Variants in RANBP2 observed in about 807,000 individuals in gnomAD.
RANBP2 encodes E3 SUMO-protein ligase RanBP2.
In RANBP2, 57 loss-of-function variants were observed where a neutral mutation model predicts 303.6. The observed-to-expected ratio is 0.19, with a 90% CI of 0.15 to 0.23. The LOEUF (loss-of-function observed/expected upper bound fraction) is 0.23, where lower values mean the gene tolerates loss of function less well. Among genes scored for constraint, RANBP2 ranks in the 10% least tolerant of loss-of-function variants. The pLI is 1.00. For synonymous variants in RANBP2, 1,167 were observed against 1,301.5 expected (o/e 0.90, Z 2.23); for missense variants, 3,138 against 3,780.8 (o/e 0.83, Z 4.46).
chr2:108,818,820 C>CT, the RANBP2 span, among the ~76,000 whole-genome samples: 930 of 144,566 alleles, frequency 6.4e-3, 5 homozygotes, highest in East Asian at 0.025. Flanking sequence ...AAACTTCTGA[C>CT]TTTTTTTTTT....
the RANBP2 span, among the ~76,000 whole-genome samples, chr2:108,914,887 G>A: frequency 9.2e-5 from 14 of 152,118 alleles, no homozygotes; most frequent in Admixed American, 3.3e-4. Context: ...CAAGGCTTCC[G>A]GGAGAAGCAA....
At chr2:108,974,586 T>C in the RANBP2 span, among the ~76,000 whole-genome samples, 7 of 151,660 alleles carry the variant, frequency 4.6e-5, no homozygotes, top group African/African-American at 1.5e-4. Context: ...AAAAATTAGC[T>C]GGGCATGGTG....
At chr2:108,826,511 A>G in the RANBP2 span, among the ~76,000 whole-genome samples, 20 of 152,180 alleles carry the variant, frequency 1.3e-4, no homozygotes, top group Middle Eastern at 3.4e-3. Context: ...TGAAAAATCT[A>G]TTCCTTCCCT....
the RANBP2 span, among the ~76,000 whole-genome samples, chr2:109,182,457 G>T: frequency 6.6e-6 from 1 of 152,170 alleles, no homozygotes; most frequent in African/African-American, 2.4e-5. Flanking sequence ...AACTTTGGGG[G>T]ACACACTCAA....
the RANBP2 span, among the ~76,000 whole-genome samples, chr2:109,497,358 G>A: frequency 2.0e-5 from 3 of 152,202 alleles, no homozygotes; most frequent in African/African-American, 7.2e-5. Context: ...TGCAGACTCT[G>A]TTGTCAGGGA....
the RANBP2 span, among the ~76,000 whole-genome samples, chr2:108,984,311 G>C: frequency 6.6e-6 from 1 of 152,178 alleles, no homozygotes; most frequent in African/African-American, 2.4e-5. Flanking sequence ...GGCATGGGAT[G>C]GGGTGGTGTG....
chr2:109,250,234 C>G, the RANBP2 span, among the ~76,000 whole-genome samples: 6 of 152,118 alleles, frequency 3.9e-5, no homozygotes, highest in Non-Finnish European at 7.4e-5. Flanking sequence ...GGAAAGGCAA[C>G]TGAACCAAGT....
At chr2:109,212,121 A>G in the RANBP2 span, among the ~76,000 whole-genome samples, 13 of 152,178 alleles carry the variant, frequency 8.5e-5, no homozygotes, top group African/African-American at 1.4e-4. Context: ...TTGCCGGGCA[A>G]TGGTCCGAAT....
intron 23 of RANBP2, among the ~76,000 whole-genome samples, chr2:108,774,078 T>G (rs1177458507): frequency 6.6e-6 from 1 of 152,234 alleles, no homozygotes; most frequent in African/African-American, 2.4e-5. Flanking sequence ...TGTCAAAAAT[T>G]TTTAACTATT....
At chr2:108,768,446 G>A (rs1677265540) in intron 20 of RANBP2, 58 bp downstream of exon 20, 1 of 1,605,146 alleles carries the variant, frequency 6.2e-7, no homozygotes, top group African/African-American at 1.3e-5. Flanking sequence ...TGTTTAGCTT[G>A]ATGCAGACTC....
the RANBP2 span, chr2:109,552,816 G>T: frequency 2.9e-6 from 1 of 349,514 alleles, no homozygotes. Flanking sequence ...CACCCAAGAG[G>T]GTAGCTGCTG....
chr2:108,803,580 C>G, the RANBP2 span, among the ~76,000 whole-genome samples: 1 of 152,212 alleles, frequency 6.6e-6, no homozygotes, highest in Admixed American at 6.5e-5. Context: ...CCTGGGACTA[C>G]AGATGTGCAC....
the RANBP2 span, among the ~76,000 whole-genome samples, chr2:109,681,912 T>C: frequency 6.6e-6 from 1 of 152,214 alleles, no homozygotes; most frequent in Non-Finnish European, 1.5e-5. Context: ...AGAGGTGGCC[T>C]CTCTTCCAGC....
chr2:108,750,385 A>C (rs889405224), intron 9 of RANBP2, among the ~76,000 whole-genome samples: 1 of 152,178 alleles, frequency 6.6e-6, no homozygotes, highest in East Asian at 1.9e-4. Flanking sequence ...TTCCACTGTT[A>C]ATAATCATAC....
At chr2:109,545,586 TTG>T in the RANBP2 span, 1 of 1,534,024 alleles carries the variant, frequency 6.5e-7, no homozygotes, top group Non-Finnish European at 8.7e-7. Flanking sequence ...TCAGTAGAAT[TTG>T]TTCTAAAAAA....
chr2:108,802,944 G>A, the RANBP2 span, among the ~76,000 whole-genome samples: 4 of 152,224 alleles, frequency 2.6e-5, no homozygotes, highest in Admixed American at 6.5e-5. Flanking sequence ...ATTGATTTGC[G>A]TATATTGAAC....
the RANBP2 span, among the ~76,000 whole-genome samples, chr2:109,025,948 T>A: frequency 6.6e-6 from 1 of 152,128 alleles, no homozygotes; most frequent in Non-Finnish European, 1.5e-5. Flanking sequence ...TCCCAGCTGA[T>A]GTCCTCATCC....
At chr2:109,634,596 G>T in the RANBP2 span, among the ~76,000 whole-genome samples, 1 of 152,170 alleles carries the variant, frequency 6.6e-6, no homozygotes, top group Admixed American at 6.6e-5. Flanking sequence ...ACTCATTAAA[G>T]AACTATACTG....
At chr2:108,994,974 C>G in the RANBP2 span, among the ~76,000 whole-genome samples, 1 of 151,290 alleles carries the variant, frequency 6.6e-6, no homozygotes, top group Non-Finnish European at 1.5e-5. Context: ...GGACTACAGG[C>G]GCCCGCCACC....
Sources: allele counts gnomAD v4.1 joint callset (sites outside exome capture counted in the v4.1 genomes callset), GRCh38; gene constraint gnomAD v4.1.1; transcripts MANE v1.5; gene names NCBI Gene and HGNC (gene_info 2026-07-23, HGNC 2026-07-21).